MTOR: variants seen among roughly 807,000 people sequenced by gnomAD.
MTOR encodes the protein mechanistic target of rapamycin kinase, also known as serine/threonine-protein kinase mTOR.
MTOR carries 70 observed loss-of-function variants against 319.8 expected under a neutral mutation model. The observed-to-expected ratio is 0.22, with a 90% CI of 0.18 to 0.27. MTOR has a LOEUF of 0.27. MTOR is among the 10% of genes least tolerant of loss of function. The probability of loss-of-function intolerance (pLI) is 1.00; values close to 1 mark genes in which losing one functional copy is unlikely to be tolerated. For synonymous variants in MTOR, 1,183 were observed against 1,211.4 expected (o/e 0.98, Z 0.49); for missense variants, 1,890 against 3,274.4 (o/e 0.58, Z 10.32).
Position 11,258,589 on chromosome 1 carries a change from C to G in MTOR, c.167G>C (p.Ser56Thr). 6.2e-7 allele frequency: 1 copy of G among 1,610,006 alleles called. No homozygotes were observed. The highest frequency in any genetic ancestry group is 8.5e-7 in the Non-Finnish European group (1 of 1,176,992). The change falls in exon 3 of 58, where the codon AGT becomes ACT. Residue 56 changes from serine to threonine, a missense_variant. Physicochemically the swap from Ser to Thr is moderately conservative, Grantham distance 58. This residue lies in a region of MTOR where 85 missense variants were observed against 105.8 expected (regional missense o/e 0.80). Transcript: ENST00000361445. ...HYVTMELREMSQEESTRFYDQ... is the reference protein window; with the variant it reads ...HYVTMELREMTQEESTRFYDQ... The stretch of plus-strand genomic sequence containing the variant: ...ATAGAAGCGAGTAGACTCCTCTTGA[C>G]TCATCTGCAAAAGAAGATATAATCA...
intron 6 of MTOR, among the ~76,000 whole-genome samples, chr1:11,251,655 C>CTTT (rs761523542): frequency 1.8e-4 from 20 of 113,696 alleles, no homozygotes; most frequent in South Asian, 5.8e-4. Flanking sequence ...TAGATAGTTT[C>CTTT]TTTTTTTTTT....
At chr1:11,175,698 C>A (rs1644961848) in intron 28 of MTOR, among the ~76,000 whole-genome samples, 1 of 151,466 alleles carries the variant, frequency 6.6e-6, no homozygotes, top group Admixed American at 6.6e-5. Flanking sequence ...TGGGCAGTGG[C>A]GCCTGCTGCC....
At chr1:11,260,740 A>C (rs1362726940) in intron 1 of MTOR, among the ~76,000 whole-genome samples, 1 of 151,812 alleles carries the variant, frequency 6.6e-6, no homozygotes, top group Non-Finnish European at 1.5e-5. Flanking sequence ...GCGAGTCTTC[A>C]AAATCTAATG....
chr1:11,130,393 T>C, intron 39 of MTOR, 136 bp downstream of exon 39: 1 of 1,358,430 alleles, frequency 7.4e-7, no homozygotes, highest in Non-Finnish European at 1.0e-6. Flanking sequence ...TGCTGGATGG[T>C]AGATAGGCAG....
chr1:11,193,733 C>T (rs750126373), intron 28 of MTOR: 8 of 1,614,112 alleles, frequency 5.0e-6, no homozygotes, highest in Admixed American at 3.3e-5. Flanking sequence ...ACACATCCAC[C>T]GGCTCTCCAG....
At chr1:11,257,380 C>CAAAAA (rs1006118528) in intron 3 of MTOR, among the ~76,000 whole-genome samples, 9 of 36,658 alleles carry the variant, frequency 2.5e-4, no homozygotes, top group Admixed American at 2.8e-4. Context: ...TACTAAGATA[C>CAAAAA]AAAAAAAAAA....
chr1:11,256,211 C>T lies in MTOR; in HGVS notation c.505-19G>A, dbSNP rs759678360. The T allele has an allele frequency of 8.7e-6, 14 of 1,607,458 alleles. No homozygotes were observed. Among genetic ancestry groups the T allele is most frequent in the Middle Eastern group, 3.3e-4 (2 of 6,048 alleles). The stretch of plus-strand genomic sequence containing the variant: ...CCAGGACCTGGAGAAAAAAGCAAAC[C>T]GAGAACTCTCATTGGTACCAGAGTT... On this transcript the variant is annotated intron_variant, in intron 4 of 57. Coordinates refer to ENST00000361445, the MANE Select transcript of MTOR (RefSeq NM_004958.4).
Position 11,161,633 on chromosome 1 carries a change from C to T in MTOR, c.4330-4342G>A, listed in dbSNP as rs914390268. Among the ~76,000 whole-genome samples the T allele has an allele frequency of 5.9e-5, 9 of 152,136 alleles. No homozygotes were observed. In the South Asian group the frequency reaches 1.4e-3, roughly 24 times the overall value. ...GCAACATTGGCTGCTCTGCAATATT[C>T]GCTGTTCTGCAGCCTCCACTGGTGA... On this transcript the variant is annotated intron_variant, in intron 29 of 57. Transcript: ENST00000361445.
At chr1:11,193,321 A>G (rs1645624312) in intron 28 of MTOR, among the ~76,000 whole-genome samples, 1 of 152,014 alleles carries the variant, frequency 6.6e-6, no homozygotes, top group African/African-American at 2.4e-5. Flanking sequence ...AAAAAAAAAA[A>G]AAGTATCTGG....
chr1:11,152,286 G>A (rs1393936515), intron 30 of MTOR: 1 of 152,198 alleles, frequency 6.6e-6, no homozygotes, highest in African/African-American at 2.4e-5. Context: ...GGAGGACTGG[G>A]TAAAAGGTGC....
intron 31 of MTOR, among the ~76,000 whole-genome samples, chr1:11,148,828 G>A (rs1243284217): frequency 2.0e-5 from 3 of 152,066 alleles, no homozygotes; most frequent in African/African-American, 4.8e-5. Flanking sequence ...AACCCGGGAG[G>A]CGGAGGTTGC....
chr1:11,237,665 A>G (rs1353153732), intron 13 of MTOR, among the ~76,000 whole-genome samples, 178 bp downstream of exon 13: 1 of 152,176 alleles, frequency 6.6e-6, no homozygotes, highest in African/African-American at 2.4e-5. Flanking sequence ...GGTGATGAGC[A>G]CTGGAACTGC....
intron 6 of MTOR, among the ~76,000 whole-genome samples, chr1:11,251,206 CT>C (rs1649628968): frequency 6.6e-6 from 1 of 152,196 alleles, no homozygotes; most frequent in Admixed American, 6.5e-5. Flanking sequence ...TCCCCACACA[CT>C]TCTCCTGCTC....
chr1:11,248,912 C>G (rs1483150352), intron 6 of MTOR, among the ~76,000 whole-genome samples: 1 of 152,070 alleles, frequency 6.6e-6, no homozygotes, highest in African/African-American at 2.4e-5. Context: ...TGTCTATTAC[C>G]TTTACAATGG....
rs1569711040 is a variant in MTOR, at chr1:11,233,404, C to T, written c.2415G>A (p.Leu805=). The T allele has an allele frequency of 6.2e-7, 1 of 1,613,946 alleles. No individual in the cohort carries two copies. The highest frequency in any genetic ancestry group is 1.7e-5 in the Admixed American group (1 of 60,000). ...INNVLATIGE[L]AQVSGLEMRK... ...AAAGTAGCTGCCCCTTTACCTGTGC[C>T]AATTCTCCTATTGTTGCCAGGACAT... The change falls in exon 15 of 58, where the codon TTG becomes TTA. Residue 805 remains leucine (L), a synonymous_variant. Transcript: ENST00000361445.
chr1:11,259,258 T>G lies in MTOR; in HGVS notation c.152A>C (p.Glu51Ala). 1.2e-6 allele frequency: 2 copies of G among 1,613,822 alleles called. No homozygotes were observed. Among genetic ancestry groups the G allele is most frequent in the Non-Finnish European group, 1.7e-6 (2 of 1,179,858 alleles). The change falls in exon 2 of 58, where the codon GAA becomes GCA. Residue 51 changes from glutamate to alanine, a missense_variant. Around this residue, in one of 15 missense-constraint regions of MTOR, gnomAD observed 85 missense variants for 105.8 expected, o/e 0.80. Coordinates refer to ENST00000361445, the MANE Select transcript of MTOR (RefSeq NM_004958.4). ...AGATCCCAGAAGCACCTCTCGGAGT[T>G]CCATGGTGACATAGTGCTGGAGCTC... ...AKELQHYVTM[E>A]LREMSQEEST...
intron 54 of MTOR, among the ~76,000 whole-genome samples, chr1:11,110,165 TG>T (rs1641784856): frequency 6.6e-6 from 1 of 152,144 alleles, no homozygotes; most frequent in Non-Finnish European, 1.5e-5. Context: ...TGACAAAATG[TG>T]TTTGGACAAA....
At position 11,216,241 on chromosome 1, in the gene MTOR, T is replaced by C. The variant is rs368972049; in HGVS notation, c.3031-7A>G. 7 of 1,612,422 alleles carry C rather than the reference T, an allele frequency of 4.3e-6. No homozygotes were observed. Among genetic ancestry groups the C allele is most frequent in the South Asian group, 1.1e-5 (1 of 91,020 alleles). On this transcript the variant is annotated splice_region_variant and splice_polypyrimidine_tract_variant and intron_variant, in intron 19 of 57. Coordinates refer to ENST00000361445, the MANE Select transcript of MTOR (RefSeq NM_004958.4). The stretch of plus-strand genomic sequence containing the variant: ...CCAGCTGCTGGAACAAAAACTGAAA[T>C]GGACAAGAGGTCAACCAGCTGGTAT...
At chr1:11,235,161 A>C (rs1364103023) in intron 13 of MTOR, among the ~76,000 whole-genome samples, 1 of 152,238 alleles carries the variant, frequency 6.6e-6, no homozygotes, top group Non-Finnish European at 1.5e-5. Flanking sequence ...AGCACCAAGA[A>C]GACATGGCTG....
Sources: allele counts gnomAD v4.1 joint callset (sites outside exome capture counted in the v4.1 genomes callset), GRCh38; gene constraint gnomAD v4.1.1; regional missense constraint gnomAD v4.1.1; transcripts MANE v1.5; gene names NCBI Gene and HGNC (gene_info 2026-07-23, HGNC 2026-07-21).